The following CDK19 variants were observed in gnomAD, a reference collection of about 807,000 sequenced individuals.
The protein encoded by CDK19 is cyclin dependent kinase 19.
Under a neutral mutation model 68.3 loss-of-function variants are expected in CDK19, and 20 were observed. That is an observed-to-expected ratio of 0.29 (90% confidence interval 0.21 to 0.43). The LOEUF is 0.43. Ranked by LOEUF, CDK19 falls within the 20% of genes least tolerant of loss-of-function variation. The pLI is 1.00. For missense variants in CDK19, 339 were observed against 623.5 expected (o/e 0.54, Z 4.86); for synonymous variants, 221 against 222.8 (o/e 0.99, Z 0.07).
chr6:110,785,617 A>G (rs115297758), intron 1 of CDK19, among the ~76,000 whole-genome samples: 2,109 of 152,192 alleles, frequency 0.014, 52 homozygotes, highest in African/African-American at 0.048. Context: ...TTGCTGTCTC[A>G]AGGATGGCAG....
intron 2 of CDK19, among the ~76,000 whole-genome samples, chr6:110,684,605 C>T (rs1772298539): frequency 6.6e-6 from 1 of 152,136 alleles, no homozygotes; most frequent in Non-Finnish European, 1.5e-5. Flanking sequence ...TACCCATGGA[C>T]CTGAGCTTTA....
At chr6:110,798,207 G>A (rs886194179) in intron 1 of CDK19, among the ~76,000 whole-genome samples, 4 of 151,928 alleles carry the variant, frequency 2.6e-5, no homozygotes, top group East Asian at 1.9e-4. Flanking sequence ...TAGATTAGAA[G>A]CTATTAAGAA....
chr6:110,660,500 C>T (rs981086484), intron 4 of CDK19, among the ~76,000 whole-genome samples: 11 of 152,120 alleles, frequency 7.2e-5, no homozygotes, highest in African/African-American at 2.4e-4. Flanking sequence ...TCGTGGCACC[C>T]GAGTTCTTGT....
At chr6:110,783,498 C>A (rs561166493) in intron 1 of CDK19, among the ~76,000 whole-genome samples, 1 of 151,262 alleles carries the variant, frequency 6.6e-6, no homozygotes, top group East Asian at 2.0e-4. Context: ...GTTAGCTGAG[C>A]GTGGTGGCAC....
intron 2 of CDK19, 36 bp from the exon 3 acceptor site, chr6:110,670,577 T>C (rs751310802): frequency 3.3e-6 from 4 of 1,218,936 alleles, no homozygotes; most frequent in Non-Finnish European, 4.9e-6. Flanking sequence ...CACTGTTGTG[T>C]TAGCAAGGAG....
Position 110,623,351 on chromosome 6 carries a change from C to T in CDK19, c.872G>A (p.Ser291Asn), listed in dbSNP as rs1273781226. 1.2e-6 allele frequency: 2 copies of T among 1,613,796 alleles called. No individual in the cohort carries two copies. The highest frequency in any genetic ancestry group is 1.7e-6 in the Non-Finnish European group (2 of 1,179,796). ...KDFRRTTYAN[S>N]SLIKYMEKHK... ...TTTCTCCATGTACTTTATGAGGCTA[C>T]TGTTGGCATACCTGCAAGGACACGC... The change falls in exon 9 of 13, where the codon AGT (serine) becomes AAT (asparagine). Residue 291 changes from serine to asparagine, a missense_variant. Physicochemically the swap from Ser to Asn is conservative, Grantham distance 46. This residue lies in a region of CDK19 where 63 missense variants were observed against 156.5 expected (regional missense o/e 0.40). Transcript: ENST00000368911.
chr6:110,702,713 A>G (rs1433142827), intron 2 of CDK19, among the ~76,000 whole-genome samples: 1 of 152,202 alleles, frequency 6.6e-6, no homozygotes, highest in African/African-American at 2.4e-5. Flanking sequence ...GATCACTAAG[A>G]CATAATATTA....
chr6:110,758,615 C>G (rs1778987401), intron 1 of CDK19, among the ~76,000 whole-genome samples: 1 of 152,098 alleles, frequency 6.6e-6, no homozygotes, highest in Non-Finnish European at 1.5e-5. Context: ...AATATTTTCA[C>G]AGTAATAAGA....
intron 2 of CDK19, among the ~76,000 whole-genome samples, chr6:110,709,268 G>T (rs911907928): frequency 3.9e-5 from 6 of 152,126 alleles, no homozygotes; most frequent in Admixed American, 6.6e-5. Context: ...CACAAGGCAA[G>T]GATGCCCTCT....
rs9400416 is a variant in CDK19 at position 110,793,979 on chromosome 6, T to C, written c.128+21030A>G. ...TATTTGTACAATATTGGTTTTTCTG[T>C]TGCACAAAGCCAGAATGACAAATCC... On this transcript the variant is annotated intron_variant, in intron 1 of 12. Coordinates refer to ENST00000368911, the MANE Select transcript of CDK19 (RefSeq NM_015076.5). 2.4e-3 allele frequency among the ~76,000 whole-genome samples: 369 copies of C among 152,334 alleles called. 22 individuals carry two copies. The East Asian group carries it at 0.065, about 27-fold the overall frequency.
chr6:110,776,449 A>C (rs1344895586), intron 1 of CDK19, among the ~76,000 whole-genome samples: 2 of 151,676 alleles, frequency 1.3e-5, no homozygotes, highest in Non-Finnish European at 1.5e-5. Flanking sequence ...AAAAAGAACC[A>C]GAGAAAAATA....
chr6:110,746,659 A>T (rs991906946), intron 1 of CDK19, among the ~76,000 whole-genome samples: 9 of 152,144 alleles, frequency 5.9e-5, no homozygotes, highest in African/African-American at 2.2e-4. Flanking sequence ...ATCATAACCC[A>T]CTAAAACACA....
In CDK19 at chr6:110,610,709, C is replaced by A. The variant is rs1777978715; in HGVS notation, c.*3826G>T. On this transcript the variant is annotated 3_prime_UTR_variant, in exon 13 of 13. Coordinates refer to ENST00000368911, the MANE Select transcript of CDK19 (RefSeq NM_015076.5). ...GTTGGTCTAACTGCCATTTCACTGC[C>A]TTTCTCTACTCCCTAGGAAGACATC... 1 of 152,154 alleles carries A rather than the reference C, an allele frequency of 6.6e-6. No individual in the cohort carries two copies. Among genetic ancestry groups the A allele is most frequent in the African/African-American group, 2.4e-5 (1 of 41,436 alleles). The allele number at this position is 152,154 out of a possible 1,614,324, so 9.4% of individuals were successfully genotyped here.
intron 4 of CDK19, among the ~76,000 whole-genome samples, chr6:110,642,350 C>T (rs1043751742): frequency 6.6e-6 from 1 of 150,516 alleles, no homozygotes; most frequent in African/African-American, 2.4e-5. Context: ...CTTGGCATTG[C>T]CTTTTCACAC....
At chr6:110,766,245 T>C (rs1779577786) in intron 1 of CDK19, among the ~76,000 whole-genome samples, 1 of 152,158 alleles carries the variant, frequency 6.6e-6, no homozygotes, top group African/African-American at 2.4e-5. Context: ...GGCATATATA[T>C]AATGGAAAAT....
intron 1 of CDK19, among the ~76,000 whole-genome samples, chr6:110,763,962 A>G (rs1779404219): frequency 1.3e-5 from 2 of 152,196 alleles, no homozygotes; most frequent in African/African-American, 4.8e-5. Flanking sequence ...TACCAGCAAT[A>G]AAAAATTGCA....
intron 2 of CDK19, among the ~76,000 whole-genome samples, chr6:110,737,274 T>C (rs1777314222): frequency 6.6e-6 from 1 of 152,184 alleles, no homozygotes; most frequent in Admixed American, 6.5e-5. Context: ...GCAAAGCTGA[T>C]ATCTTTTTTC....
At chr6:110,675,680 C>T (rs12212058) in intron 2 of CDK19, among the ~76,000 whole-genome samples, 6,017 of 151,498 alleles carry the variant, frequency 0.04, 168 homozygotes, top group Non-Finnish European at 0.061. Flanking sequence ...TACCTGTGCT[C>T]CATAAATGTA....
In CDK19 at chr6:110,664,264, T is replaced by C. The variant is rs149869950; in HGVS notation, c.456+3170A>G. 3.3e-5 allele frequency among the ~76,000 whole-genome samples: 5 copies of C among 152,304 alleles called. No individual in the cohort carries two copies. In the East Asian group the frequency reaches 5.8e-4, roughly 18 times the overall value. On this transcript the variant is annotated intron_variant, in intron 4 of 12. Transcript: ENST00000368911. Reference sequence around the variant, plus strand: ...TACCCTCATCACCCAAGTCTCTATTTAAATTCTAGTCATCCTTCAAAGTCC... The same window carrying C: ...TACCCTCATCACCCAAGTCTCTATTCAAATTCTAGTCATCCTTCAAAGTCC...
Sources: gnomAD v4.1 joint callset for allele counts (sites outside exome capture counted in the v4.1 genomes callset) on GRCh38, gnomAD v4.1.1 for gene constraint, gnomAD v4.1.1 regional missense constraint, MANE v1.5 for transcripts, NCBI Gene and HGNC (gene_info 2026-07-23, HGNC 2026-07-21) for gene names.